ADAMTS17: variants seen among roughly 807,000 people sequenced by gnomAD.
ADAMTS17 encodes A disintegrin and metalloproteinase with thrombospondin motifs 17.
ADAMTS17 carries 113 observed loss-of-function variants against 141.5 expected under a neutral mutation model. That is an observed-to-expected ratio of 0.80 (90% CI 0.69 to 0.93). The LOEUF (loss-of-function observed/expected upper bound fraction) is 0.93, where lower values mean the gene tolerates loss of function less well. ADAMTS17 is among the 40% of genes least tolerant of loss of function. The pLI is 0.00. For missense variants in ADAMTS17, 1,659 were observed against 1,517.9 expected, an observed-to-expected ratio of 1.09 and a Z score of -1.54; for synonymous variants, 768 against 630.6, an observed-to-expected ratio of 1.22 and a Z score of -3.27.
At chr15:100,206,574 T>C (rs190624500) in intron 7 of ADAMTS17, among the ~76,000 whole-genome samples, 37 of 152,334 alleles carry the variant, frequency 2.4e-4, no homozygotes, top group African/African-American at 7.7e-4. Context: ...TCACTGGAAA[T>C]GTCTCCCCTT....
chr15:100,001,027 G>T (rs1392190353), intron 18 of ADAMTS17, among the ~76,000 whole-genome samples: 2 of 151,716 alleles, frequency 1.3e-5, no homozygotes, highest in Non-Finnish European at 2.9e-5. Context: ...CCTGCTGGGG[G>T]CTATGGTCAA....
chr15:100,175,214 A>G (rs889819329), intron 8 of ADAMTS17, among the ~76,000 whole-genome samples: 16 of 152,194 alleles, frequency 1.1e-4, no homozygotes, highest in Non-Finnish European at 1.5e-4. Context: ...ATTGCCTTTT[A>G]TTTAAATGTC....
At chr15:100,060,121 T>G (rs1294820866) in intron 15 of ADAMTS17, among the ~76,000 whole-genome samples, 2 of 152,252 alleles carry the variant, frequency 1.3e-5, no homozygotes, top group African/African-American at 4.8e-5. Context: ...CCCCAGTGAT[T>G]TGATTTTATC....
chr15:100,269,837 C>T (rs1457159384), intron 4 of ADAMTS17, among the ~76,000 whole-genome samples: 1 of 152,144 alleles, frequency 6.6e-6, no homozygotes, highest in African/African-American at 2.4e-5. Flanking sequence ...CTTGGAGACT[C>T]GGTCTTCATT....
intron 8 of ADAMTS17, among the ~76,000 whole-genome samples, chr15:100,161,881 C>A (rs961473282): frequency 6.6e-6 from 1 of 152,174 alleles, no homozygotes; most frequent in South Asian, 2.1e-4. Context: ...CCTCTCACTG[C>A]GGAGAAGGTA....
chr15:100,240,524 A>G (rs1326003437), intron 7 of ADAMTS17, among the ~76,000 whole-genome samples: 1 of 152,182 alleles, frequency 6.6e-6, no homozygotes, highest in Non-Finnish European at 1.5e-5. Context: ...CTCCTCTACC[A>G]GGAAGAACAG....
chr15:100,274,073 G>A (rs1207238602), intron 4 of ADAMTS17, among the ~76,000 whole-genome samples: 2 of 152,114 alleles, frequency 1.3e-5, no homozygotes, highest in African/African-American at 4.8e-5. Flanking sequence ...TTTTCAATCT[G>A]TTGAGACTTA....
chr15:100,244,256 C>T (rs144109699), intron 7 of ADAMTS17, among the ~76,000 whole-genome samples: 182 of 151,612 alleles, frequency 1.2e-3, no homozygotes, highest in African/African-American at 4.0e-3. Context: ...TCCCATGACA[C>T]GTGGGAATTA....
chr15:100,234,550 C>A (rs1175930032), intron 7 of ADAMTS17, among the ~76,000 whole-genome samples: 1 of 152,234 alleles, frequency 6.6e-6, no homozygotes, highest in African/African-American at 2.4e-5. Context: ...ACACAGGGTG[C>A]GCAAAGCTGG....
At chr15:100,106,451 T>G (rs1184708968) in intron 14 of ADAMTS17, among the ~76,000 whole-genome samples, 5 of 152,232 alleles carry the variant, frequency 3.3e-5, no homozygotes. Context: ...TTCTCTTTGA[T>G]TCTACGACTA....
At chr15:100,207,732 C>T (rs1011403063) in intron 7 of ADAMTS17, among the ~76,000 whole-genome samples, 1 of 152,162 alleles carries the variant, frequency 6.6e-6, no homozygotes, top group Non-Finnish European at 1.5e-5. Context: ...GAAGTGCCAT[C>T]CCTCAGTCGT....
chr15:100,213,821 G>A (rs761423056), intron 7 of ADAMTS17, among the ~76,000 whole-genome samples: 12 of 152,216 alleles, frequency 7.9e-5, no homozygotes, highest in Non-Finnish European at 1.6e-4. Flanking sequence ...GGGAGCACAC[G>A]CACTACCAGT....
At chr15:100,141,908 C>T (rs565128526) in intron 10 of ADAMTS17, among the ~76,000 whole-genome samples, 3 of 152,348 alleles carry the variant, frequency 2.0e-5, no homozygotes, top group South Asian at 4.1e-4. Flanking sequence ...CATGCAAGTC[C>T]ACGCACTACC....
intron 18 of ADAMTS17, among the ~76,000 whole-genome samples, chr15:99,998,205 C>T (rs1596189729): frequency 6.6e-6 from 1 of 152,222 alleles, no homozygotes; most frequent in African/African-American, 2.4e-5. Flanking sequence ...CCCTGCTTTC[C>T]AGAGCCTGGG....
chr15:100,174,957 G>C (rs2040284456), intron 8 of ADAMTS17, among the ~76,000 whole-genome samples: 1 of 152,128 alleles, frequency 6.6e-6, no homozygotes, highest in South Asian at 2.1e-4. Flanking sequence ...GTCAATAAAG[G>C]GTGGTACCAG....
intron 7 of ADAMTS17, among the ~76,000 whole-genome samples, chr15:100,246,696 A>G (rs2141925451): frequency 6.6e-6 from 1 of 152,224 alleles, no homozygotes; most frequent in East Asian, 1.9e-4. Flanking sequence ...CCTCGTAGGC[A>G]ATGTCTGGAG....
intron 10 of ADAMTS17, among the ~76,000 whole-genome samples, chr15:100,143,274 C>T (rs763081024): frequency 3.9e-5 from 6 of 152,194 alleles, no homozygotes; most frequent in East Asian, 1.9e-4. Flanking sequence ...CAGCTGACAG[C>T]GCCTGCATTG....
intron 3 of ADAMTS17, among the ~76,000 whole-genome samples, chr15:100,315,072 C>G (rs1049822934): frequency 3.9e-5 from 6 of 152,174 alleles, no homozygotes; most frequent in Admixed American, 6.5e-5. Context: ...TGGGGCAGGT[C>G]CCAGGTGGGA....
At chr15:100,282,106 C>T (rs993730779) in intron 3 of ADAMTS17, among the ~76,000 whole-genome samples, 6 of 152,198 alleles carry the variant, frequency 3.9e-5, no homozygotes, top group African/African-American at 1.4e-4. Flanking sequence ...AAAGAGCCCA[C>T]ACCTACAGGT....
Sources: allele counts gnomAD v4.1 joint callset (sites outside exome capture counted in the v4.1 genomes callset), GRCh38; gene constraint gnomAD v4.1.1; transcripts MANE v1.5; gene names NCBI Gene and HGNC (gene_info 2026-07-23, HGNC 2026-07-21).